The following KCNAB2 variants were observed in gnomAD, a reference collection of about 807,000 sequenced individuals.
The protein encoded by KCNAB2 is potassium voltage-gated channel subfamily A regulatory beta subunit 2.
KCNAB2 carries 29 observed loss-of-function variants against 63.6 expected under a neutral mutation model. The observed-to-expected ratio is 0.46, with a 90% CI of 0.34 to 0.62. KCNAB2 has a LOEUF of 0.62. Among genes scored for constraint, KCNAB2 ranks in the 20% least tolerant of loss-of-function variants. The pLI is 0.01. For missense variants in KCNAB2, 359 were observed against 563.9 expected, an observed-to-expected ratio of 0.64 and a Z score of 3.68; for synonymous variants, 222 against 224.2, an observed-to-expected ratio of 0.99 and a Z score of 0.09.
Position 6,069,615 on chromosome 1 carries a change from G to C in KCNAB2, c.219-3140G>C, listed in dbSNP as rs946166633. 6.6e-6 allele frequency among the ~76,000 whole-genome samples: 1 copy of C among 152,212 alleles called. No individual in the cohort carries two copies. The highest frequency in any genetic ancestry group is 2.4e-5 in the African/African-American group (1 of 41,444). ...GATGGGGAAGAAATCGGTAGAAAAT[G>C]ATCTCTGTGTCTGGGAAGTTTCAAG... On this transcript the variant is annotated intron_variant, in intron 2 of 15. Transcript: ENST00000378083. This position sits in a 1 kb window ranked among gnomAD's most constrained non-coding sequence, Gnocchi z 5.4.
intron 3 of KCNAB2, 144 bp downstream of exon 3, chr1:6,072,942 T>G: frequency 3.1e-6 from 2 of 635,670 alleles, no homozygotes; most frequent in Non-Finnish European, 5.2e-6. Context: ...AGCCCAGGAT[T>G]CAGGGGGGCT....
chr1:6,085,200 G>T lies in KCNAB2; in HGVS notation c.381-4G>T, dbSNP rs577288968. The T allele has an allele frequency of 1.9e-6, 3 of 1,613,960 alleles. No homozygotes were observed. Among genetic ancestry groups the T allele is most frequent in the Admixed American group, 3.3e-5 (2 of 60,018 alleles). ...TGATGAGAGCTCGGTGTCTTGTTTT[G>T]CAGGGCTGAAGTGGTACTGGGAAAC... On this transcript the variant is annotated splice_region_variant and splice_polypyrimidine_tract_variant and intron_variant, in intron 5 of 15. Transcript: ENST00000378083.
rs372390750 is a variant in KCNAB2 at position 6,073,840 on chromosome 1, G to A, written c.300+70G>A. On this transcript the variant is annotated intron_variant, in intron 4 of 15. Coordinates refer to ENST00000378083, the MANE Select transcript of KCNAB2 (RefSeq NM_001199862.2). This position sits in a 1 kb window ranked among gnomAD's most constrained non-coding sequence, Gnocchi z 5.7. ...GCCAGAGCACATGGTTAAGTCTGCC[G>A]CGTGGACCAGTGAGCACGTGCTCCC... The A allele has an allele frequency of 3.2e-4, 484 of 1,499,664 alleles. No individual in the cohort carries two copies. In the African/African-American group the frequency reaches 5.3e-3, roughly 16 times the overall value. The allele number at this position is 1,499,664 out of a possible 1,614,324, so 92.9% of individuals were successfully genotyped here. A position where few individuals can be genotyped will look rare whatever the true frequency, so the allele number is the denominator to read the frequency against.
chr1:6,089,141 C>G (rs1021312137), intron 8 of KCNAB2, 90 bp downstream of exon 8: 9 of 1,344,926 alleles, frequency 6.7e-6, no homozygotes, highest in South Asian at 2.5e-5. Flanking sequence ...CCCGACCCCC[C>G]CAGTTAACCC....
intron 2 of KCNAB2, among the ~76,000 whole-genome samples, chr1:6,063,051 C>T (rs1570996085): frequency 6.8e-6 from 1 of 147,242 alleles, no homozygotes; most frequent in African/African-American, 2.5e-5. Context: ...TTTTTTGAGA[C>T]GGAATCTCAC....
chr1:6,080,217 G>A (rs1304921203), intron 4 of KCNAB2, among the ~76,000 whole-genome samples: 4 of 152,226 alleles, frequency 2.6e-5, no homozygotes, highest in Admixed American at 6.5e-5. Flanking sequence ...GGGCCTGGAT[G>A]TGGGAGGCAT....
In KCNAB2 at chr1:6,051,602, C is replaced by T. The variant is rs1241484545; in HGVS notation, c.66C>T (p.Ala22=). ...SVSSRCHSEW[A]LHPVRQTDTL... ...GCAGCAGGTGCCACTCTGAATGGGC[C>T]CTGCACCCCGTCCGCCAGACGGACA... The change falls in exon 2 of 16, where the codon GCC becomes GCT. Residue 22 remains alanine (A), a synonymous_variant. Coordinates refer to ENST00000378083, the MANE Select transcript of KCNAB2 (RefSeq NM_001199862.2). 7.8e-6 allele frequency: 12 copies of T among 1,534,830 alleles called. No individual in the cohort carries two copies. In the East Asian group the frequency reaches 2.2e-4, roughly 28 times the overall value.
At chr1:6,020,942 G>T (rs1658783586) in intron 1 of KCNAB2, among the ~76,000 whole-genome samples, 1 of 152,050 alleles carries the variant, frequency 6.6e-6, no homozygotes, top group Non-Finnish European at 1.5e-5. Flanking sequence ...TTACAGGCAT[G>T]TAATCCCACC....
chr1:6,019,031 C>T (rs1658672830), intron 1 of KCNAB2, among the ~76,000 whole-genome samples: 1 of 152,194 alleles, frequency 6.6e-6, no homozygotes, highest in Non-Finnish European at 1.5e-5. Flanking sequence ...GTGGTTCACA[C>T]CTGTAAGCCC....
intron 1 of KCNAB2, among the ~76,000 whole-genome samples, chr1:5,998,413 G>C (rs1657053886): frequency 6.6e-6 from 1 of 152,354 alleles, no homozygotes; most frequent in Middle Eastern, 3.4e-3. Flanking sequence ...CGAGGTCTGT[G>C]TCTTGGACAG....
rs748408321 is a variant in KCNAB2, at chr1:6,087,458, G to T, written c.426-9G>T. 1.2e-6 allele frequency: 2 copies of T among 1,614,146 alleles called. No homozygotes were observed. The highest frequency in any genetic ancestry group is 1.7e-6 in the Non-Finnish European group (2 of 1,179,990). ...TTATCACACCCCTTCTTTCTCTTCT[G>T]TTCCACAGGCGGTCCAGCCTCGTCA... On this transcript the variant is annotated splice_polypyrimidine_tract_variant and intron_variant, in intron 6 of 15. Transcript: ENST00000378083. The surrounding 1 kb of genome is among the most constrained non-coding windows in gnomAD (Gnocchi z 6.4).
intron 2 of KCNAB2, among the ~76,000 whole-genome samples, chr1:6,059,429 A>T (rs2100580707): frequency 6.6e-6 from 1 of 152,136 alleles, no homozygotes; most frequent in East Asian, 1.9e-4. Flanking sequence ...GGCTCAAGCG[A>T]TCCACCCACC....
chr1:6,062,055 G>T (rs1448678520), intron 2 of KCNAB2, among the ~76,000 whole-genome samples: 1 of 151,858 alleles, frequency 6.6e-6, no homozygotes, highest in African/African-American at 2.4e-5. Flanking sequence ...GCTCACGCCT[G>T]TAATCCCAGC....
chr1:6,012,555 T>G (rs1448403503), intron 1 of KCNAB2, among the ~76,000 whole-genome samples: 4 of 56,252 alleles, frequency 7.1e-5, no homozygotes, highest in South Asian at 6.9e-4. Flanking sequence ...AGGTGGTGGG[T>G]GGAGGTGGAG....
intron 15 of KCNAB2, chr1:6,097,995 G>A (rs541239329): frequency 1.1e-5 from 2 of 186,400 alleles, no homozygotes; most frequent in African/African-American, 2.4e-5. Context: ...GGCAGCTGCG[G>A]GTCCGAGACG....
chr1:6,051,851 C>A, intron 2 of KCNAB2, 97 bp downstream of exon 2: 1 of 1,348,242 alleles, frequency 7.4e-7, no homozygotes, highest in Non-Finnish European at 9.9e-7. Context: ...CACCTGTAAT[C>A]CCAGCACTTG....
At chr1:6,017,406 C>CTCTGTG (rs146613804) in intron 1 of KCNAB2, among the ~76,000 whole-genome samples, 96 of 147,300 alleles carry the variant, frequency 6.5e-4, no homozygotes, top group African/African-American at 2.4e-3. Context: ...CCATACCTGG[C>CTCTGTG]TGTGTGTGTG....
At position 5,994,144 on chromosome 1, in the gene KCNAB2, T is replaced by A. The variant is rs1021765383; in HGVS notation, c.-53+1356T>A. On this transcript the variant is annotated intron_variant, in intron 1 of 16. Coordinates refer to the KCNAB2 transcript ENST00000341524. This position sits in a 1 kb window ranked among gnomAD's most constrained non-coding sequence, Gnocchi z 5.4. ...CCCACTGTCTGTCGTTTCAGGATTT[T>A]TTCTTTCTCTGCAACTTCTCCTCCC... Among the ~76,000 whole-genome samples, 5 of 152,174 alleles carry A rather than the reference T, an allele frequency of 3.3e-5. No homozygotes were observed. The highest frequency in any genetic ancestry group is 5.9e-5 in the Non-Finnish European group (4 of 68,024).
intron 14 of KCNAB2, 112 bp from the exon 15 acceptor site, chr1:6,097,157 C>T: frequency 7.9e-7 from 1 of 1,263,600 alleles, no homozygotes; most frequent in Non-Finnish European, 1.1e-6. Context: ...TAGACCCCCT[C>T]AGACCCCCAG....
Sources: allele counts gnomAD v4.1 joint callset (sites outside exome capture counted in the v4.1 genomes callset), GRCh38; gene constraint gnomAD v4.1.1; non-coding constraint Gnocchi (gnomAD v3.1); transcripts MANE v1.5; gene names NCBI Gene and HGNC (gene_info 2026-07-23, HGNC 2026-07-21).